SGCZ: variants seen among roughly 807,000 people sequenced by gnomAD.
The protein encoded by SGCZ is zeta-sarcoglycan.
In SGCZ, 40 loss-of-function variants were observed where a neutral mutation model predicts 41.3. The observed-to-expected ratio is 0.97, with a 90% CI of 0.75 to 1.26. The LOEUF is 1.26. SGCZ is among the 50% of genes most tolerant of loss of function. The pLI, the probability that SGCZ is intolerant of heterozygous loss-of-function variation, is 0.00. For missense variants in SGCZ, 552 were observed against 369.8 expected (o/e 1.49, Z -4.04); for synonymous variants, 206 against 137.5 (o/e 1.50, Z -3.49).
intron 1 of SGCZ, among the ~76,000 whole-genome samples, chr8:14,925,689 A>C (rs1799725718): frequency 6.6e-6 from 1 of 152,206 alleles, no homozygotes; most frequent in Admixed American, 6.5e-5. Flanking sequence ...GCAAGGTTTG[A>C]GTCCCTCAGA....
intron 1 of SGCZ, among the ~76,000 whole-genome samples, chr8:15,184,383 G>C (rs865794349): frequency 1.7e-4 from 26 of 152,268 alleles, no homozygotes; most frequent in African/African-American, 5.8e-4. Context: ...TGAAACAGCT[G>C]CATCTCTATA....
intron 1 of SGCZ, among the ~76,000 whole-genome samples, chr8:15,094,543 C>G (rs920775166): frequency 6.6e-6 from 1 of 152,142 alleles, no homozygotes; most frequent in Non-Finnish European, 1.5e-5. Context: ...ATAGCAAATT[C>G]TATAGTACTA....
chr8:15,088,831 T>C (rs1806046416), intron 1 of SGCZ, among the ~76,000 whole-genome samples: 1 of 152,116 alleles, frequency 6.6e-6, no homozygotes, highest in South Asian at 2.1e-4. Context: ...TAGGCCCAAC[T>C]CACATGGCCT....
At chr8:14,720,326 T>G (rs1809841240) in intron 1 of SGCZ, among the ~76,000 whole-genome samples, 1 of 152,060 alleles carries the variant, frequency 6.6e-6, no homozygotes, top group Admixed American at 6.6e-5. Flanking sequence ...AGTAAATTCT[T>G]AAGTAGCTAT....
At chr8:14,151,229 C>G (rs1803698712) in intron 5 of SGCZ, among the ~76,000 whole-genome samples, 1 of 152,042 alleles carries the variant, frequency 6.6e-6, no homozygotes, top group Non-Finnish European at 1.5e-5. Context: ...ATACTCCATT[C>G]TCCATGATGT....
chr8:14,466,835 C>T (rs935890609), intron 2 of SGCZ, among the ~76,000 whole-genome samples: 17 of 151,802 alleles, frequency 1.1e-4, no homozygotes, highest in Non-Finnish European at 2.1e-4. Context: ...TTAATATTTT[C>T]ATTTTGTTTA....
rs539172963 is a variant in SGCZ, at chr8:14,546,707, T to C, written c.234+8025A>G. On this transcript the variant is annotated intron_variant, in intron 2 of 7. Coordinates refer to ENST00000382080, the MANE Select transcript of SGCZ (RefSeq NM_139167.4). ...TCAAAAGATAATTAATAAGCAGTAA[T>C]ATTGTATTTATATATTTAATGGTGT... Among the ~76,000 whole-genome samples, 325 of 152,286 alleles carry C rather than the reference T, an allele frequency of 2.1e-3. 2 individuals are homozygous for C. Among genetic ancestry groups the C allele is most frequent in the African/African-American group, 7.5e-3 (310 of 41,564 alleles).
intron 1 of SGCZ, among the ~76,000 whole-genome samples, chr8:15,019,709 G>A (rs903270691): frequency 6.6e-6 from 1 of 151,554 alleles, no homozygotes; most frequent in Non-Finnish European, 1.5e-5. Context: ...CCACAACTAA[G>A]TCATGTCCTC....
intron 5 of SGCZ, among the ~76,000 whole-genome samples, chr8:14,112,284 G>C (rs757151749): frequency 2.9e-5 from 2 of 69,216 alleles, no homozygotes; most frequent in African/African-American, 1.3e-4. Flanking sequence ...TTTTTTTTGT[G>C]GGGGGGGGGT....
intron 1 of SGCZ, among the ~76,000 whole-genome samples, chr8:14,860,310 A>G (rs1480002778): frequency 6.6e-6 from 1 of 151,976 alleles, no homozygotes; most frequent in African/African-American, 2.4e-5. Context: ...ATTTGACGCT[A>G]ACTACATTTT....
intron 4 of SGCZ, among the ~76,000 whole-genome samples, chr8:14,177,959 T>TTTTCTTTCTTTTTC (rs1491549127): frequency 1.9e-4 from 10 of 53,022 alleles, no homozygotes; most frequent in African/African-American, 5.2e-4. Context: ...TTTTTTTTTC[T>TTTTCTTTCTTTTTC]TTTTTTTTTT....
At chr8:14,928,824 T>G (rs530739576) in intron 1 of SGCZ, among the ~76,000 whole-genome samples, 17 of 152,320 alleles carry the variant, frequency 1.1e-4, no homozygotes, top group Non-Finnish European at 2.4e-4. Context: ...TAATTTAGTA[T>G]GCAGACAAAA....
chr8:14,720,265 A>G (rs1449356730), intron 1 of SGCZ, among the ~76,000 whole-genome samples: 1 of 151,604 alleles, frequency 6.6e-6, no homozygotes, highest in Non-Finnish European at 1.5e-5. Flanking sequence ...AACGATGCCC[A>G]CTGAAAAATT....
intron 2 of SGCZ, among the ~76,000 whole-genome samples, chr8:14,533,694 T>C (rs1331917689): frequency 2.0e-5 from 3 of 152,030 alleles, no homozygotes; most frequent in African/African-American, 7.2e-5. Flanking sequence ...AGAAGGTTTT[T>C]CTACTTTTAC....
intron 1 of SGCZ, among the ~76,000 whole-genome samples, chr8:15,045,987 T>C (rs1027178267): frequency 6.6e-6 from 1 of 152,118 alleles, no homozygotes; most frequent in African/African-American, 2.4e-5. Context: ...CAGAAGACTT[T>C]CATTGTCTTT....
At chr8:14,965,095 A>G (rs1395126316) in intron 1 of SGCZ, among the ~76,000 whole-genome samples, 3 of 152,068 alleles carry the variant, frequency 2.0e-5, no homozygotes, top group Non-Finnish European at 4.4e-5. Context: ...GGGAGTGGGG[A>G]CATAACAGCC....
intron 1 of SGCZ, among the ~76,000 whole-genome samples, chr8:15,087,304 GA>G: frequency 6.6e-6 from 1 of 152,054 alleles, no homozygotes; most frequent in East Asian, 1.9e-4. Flanking sequence ...TCTGATGTTG[GA>G]GATGATGTGT....
chr8:14,993,976 G>A (rs1563419021), intron 1 of SGCZ, among the ~76,000 whole-genome samples: 1 of 152,188 alleles, frequency 6.6e-6, no homozygotes, highest in Admixed American at 6.5e-5. Flanking sequence ...GAAGGAGAAA[G>A]ACCATTTGGT....
intron 1 of SGCZ, among the ~76,000 whole-genome samples, chr8:14,689,712 A>C (rs1240660936): frequency 6.6e-6 from 1 of 152,152 alleles, no homozygotes; most frequent in Non-Finnish European, 1.5e-5. Context: ...ACCTGCTCTT[A>C]TTTGTAGGAT....
Sources: allele counts gnomAD v4.1 joint callset (sites outside exome capture counted in the v4.1 genomes callset), GRCh38; gene constraint gnomAD v4.1.1; transcripts MANE v1.5; gene names NCBI Gene and HGNC (gene_info 2026-07-23, HGNC 2026-07-21).